DNAI2: variants seen among roughly 807,000 people sequenced by gnomAD.
DNAI2 encodes dynein axonemal intermediate chain 2, also known as dynein, axonemal, intermediate polypeptide 2.
DNAI2 carries 63 observed loss-of-function variants against 74.7 expected under a neutral mutation model. That is an observed-to-expected ratio of 0.84 (90% confidence interval 0.69 to 1.04). The LOEUF (loss-of-function observed/expected upper bound fraction) is 1.04, where lower values mean the gene tolerates loss of function less well. Ranked by LOEUF, DNAI2 falls within the 50% of genes least tolerant of loss-of-function variation. DNAI2 has a pLI of 0.00. For missense variants in DNAI2, 688 were observed against 803.2 expected, an observed-to-expected ratio of 0.86 and a Z score of 1.73; for synonymous variants, 289 against 314.9, an observed-to-expected ratio of 0.92 and a Z score of 0.87.
chr17:74,293,550 G>T (rs899942438), intron 6 of DNAI2, among the ~76,000 whole-genome samples: 1 of 151,346 alleles, frequency 6.6e-6, no homozygotes, highest in Non-Finnish European at 1.5e-5. Context: ...TCTAAAGTAT[G>T]TCTTGTAGCC....
At chr17:74,290,956 A>AAACTGGTTGATCCTGTCCTT in intron 5 of DNAI2, 64 bp from the exon 6 acceptor site, 1 of 1,455,700 alleles carries the variant, frequency 6.9e-7, no homozygotes. Context: ...AGAAGGGGTG[A>AAACTGGTTGATCCTGTCCTT]AACTGGTTGA....
At chr17:74,291,172 T>G (rs1204302834) in intron 6 of DNAI2, 39 bp downstream of exon 6, 1 of 1,504,290 alleles carries the variant, frequency 6.6e-7, no homozygotes, top group African/African-American at 1.4e-5. Flanking sequence ...TTATTTTTAT[T>G]TTTTTTAGAT....
chr17:74,296,498 G>A (rs912251373), intron 6 of DNAI2, among the ~76,000 whole-genome samples: 3 of 152,222 alleles, frequency 2.0e-5, no homozygotes, highest in African/African-American at 7.2e-5. Flanking sequence ...AAGTACAGGC[G>A]TGAGCCACTG....
At chr17:74,282,049 G>C (rs753615842) in intron 2 of DNAI2, 49 bp downstream of exon 2, 2 of 1,610,368 alleles carry the variant, frequency 1.2e-6, no homozygotes, top group African/African-American at 1.3e-5. Flanking sequence ...GGCCAGGCAG[G>C]GCGGCCAGCT....
intron 6 of DNAI2, among the ~76,000 whole-genome samples, chr17:74,292,315 G>A (rs1178359354): frequency 1.2e-4 from 18 of 151,648 alleles, no homozygotes; most frequent in Non-Finnish European, 1.5e-4. Flanking sequence ...AATTGCTTTT[G>A]GTAGTTTCTG....
At chr17:74,278,351 G>A (rs1403035206) in intron 1 of DNAI2, among the ~76,000 whole-genome samples, 1 of 152,154 alleles carries the variant, frequency 6.6e-6, no homozygotes, top group Non-Finnish European at 1.5e-5. Flanking sequence ...GATTGCTTGA[G>A]CCTGGGAGGT....
At chr17:74,294,092 G>A (rs1003818199) in intron 6 of DNAI2, among the ~76,000 whole-genome samples, 2 of 151,856 alleles carry the variant, frequency 1.3e-5, no homozygotes, top group South Asian at 2.1e-4. Flanking sequence ...TTGGATCGTG[G>A]TTTTTTCCTT....
intron 4 of DNAI2, 109 bp downstream of exon 4, chr17:74,287,207 C>T (rs2051803688): frequency 1.3e-6 from 2 of 1,509,980 alleles, no homozygotes; most frequent in Non-Finnish European, 1.8e-6. Context: ...GCAGCACTGT[C>T]TGTGCTCTGA....
Position 74,312,079 on chromosome 17 carries a change from A to G in DNAI2, c.1571A>G (p.Lys524Arg), listed in dbSNP as rs1211582211. 3 of 1,613,194 alleles carry G rather than the reference A, an allele frequency of 1.9e-6. No individual in the cohort carries two copies. In the African/African-American group the frequency reaches 4.0e-5, roughly 22 times the overall value. ...GAGATGCGGCTGAAGGAGAAGGGTA[A>G]GGCGGAGGGCAGGGATGAGGAGCAG... Reference protein sequence around the residue: ...HREMRLKEKGKAEGRDEEQTD... With the variant: ...HREMRLKEKGRAEGRDEEQTD... Residue 524 changes from lysine (K) to arginine (R), a missense_variant, in exon 12 of 14, where the codon AAG becomes AGG. By Grantham distance (26) the Lys-to-Arg change is conservative. Coordinates refer to ENST00000311014, the MANE Select transcript of DNAI2 (RefSeq NM_023036.6).
chr17:74,314,556 C>T, intron 13 of DNAI2, 33 bp from the exon 14 acceptor site: 1 of 337,190 alleles, frequency 3.0e-6, no homozygotes, highest in South Asian at 2.6e-5. Flanking sequence ...CTCACAGGCT[C>T]CCCAGCAATC....
intron 11 of DNAI2, among the ~76,000 whole-genome samples, chr17:74,311,261 A>G (rs1382375009): frequency 6.6e-6 from 1 of 152,206 alleles, no homozygotes; most frequent in Non-Finnish European, 1.5e-5. Flanking sequence ...TCCTTTCCCC[A>G]GTGGACAGCC....
chr17:74,284,835 G>C (rs1410049446), intron 2 of DNAI2, among the ~76,000 whole-genome samples: 1 of 152,210 alleles, frequency 6.6e-6, no homozygotes, highest in Non-Finnish European at 1.5e-5. Context: ...AAGCTGCTTA[G>C]CTCCACAGGG....
chr17:74,307,717 ATT>A (rs57387665), intron 9 of DNAI2, among the ~76,000 whole-genome samples: 97 of 149,238 alleles, frequency 6.5e-4, no homozygotes, highest in African/African-American at 2.3e-3. Flanking sequence ...AAAAAAAACT[ATT>A]TTTTTTTTAG....
rs952816294 is a variant in DNAI2, at chr17:74,274,239, G to A, written c.-118G>A. 3 of 152,004 alleles carry A rather than the reference G, an allele frequency of 2.0e-5. No individual in the cohort carries two copies. Among genetic ancestry groups the A allele is most frequent in the Non-Finnish European group, 2.9e-5 (2 of 68,024 alleles). The allele number at this position is 152,004 out of a possible 1,614,324, so 9.4% of individuals were successfully genotyped here. The stretch of plus-strand genomic sequence containing the variant: ...CGCCCCGCGCGTCCGGAGCCAGGCC[G>A]GGGTTGCCAAGCAACCGGTAAACGC... On this transcript the variant is annotated 5_prime_UTR_variant, in exon 1 of 14. Coordinates refer to ENST00000311014, the MANE Select transcript of DNAI2 (RefSeq NM_023036.6).
At chr17:74,294,484 T>G (rs2052319128) in intron 6 of DNAI2, among the ~76,000 whole-genome samples, 1 of 151,974 alleles carries the variant, frequency 6.6e-6, no homozygotes, top group Admixed American at 6.6e-5. Context: ...TACTTTTTTA[T>G]TTTTTAATTT....
At position 74,301,150 on chromosome 17, in the gene DNAI2, G is replaced by C. The variant is rs1306977536; in HGVS notation, c.969G>C (p.Leu323=). The C allele has an allele frequency of 1.2e-6, 2 of 1,613,954 alleles. No homozygotes were observed. Among genetic ancestry groups the C allele is most frequent in the Non-Finnish European group, 1.7e-6 (2 of 1,179,900 alleles). ...QLENALGAIS[L]EFESTLPTKF... ...AAAATGCCTTGGGGGCCATCTCCCTGGAGTTCGAATCTACTTTGGTGAGTG... is the reference window on the plus strand; with the variant it reads ...AAAATGCCTTGGGGGCCATCTCCCTCGAGTTCGAATCTACTTTGGTGAGTG... The change falls in exon 8 of 14, where the codon CTG becomes CTC. Residue 323 remains leucine, a synonymous_variant. Transcript: ENST00000311014.
rs57143936 is a variant in DNAI2 at position 74,295,233 on chromosome 17, T to TAAAAAAAA, written c.724+4112_724+4119dup. Among the ~76,000 whole-genome samples, 118 of 112,342 alleles carry TAAAAAAAA rather than the reference T, an allele frequency of 1.1e-3. 4 individuals are homozygous for TAAAAAAAA. Among genetic ancestry groups the TAAAAAAAA allele is most frequent in the African/African-American group, 3.1e-3 (99 of 31,724 alleles). 73.7% of individuals were successfully genotyped at this position (112,342 alleles called of 152,430 possible). Reference sequence around the variant, plus strand: ...AACATGGTCAAACCCCATCTCTACTTAAAAAAAAAAAAAAAAAAATCAGCC... The same window carrying TAAAAAAAA: ...AACATGGTCAAACCCCATCTCTACTTAAAAAAAAAAAAAAAAAAAAAAAAAAATCAGCC... On this transcript the variant is annotated intron_variant, in intron 6 of 13. Transcript: ENST00000311014.
chr17:74,307,618 G>A (rs557181711), intron 9 of DNAI2, among the ~76,000 whole-genome samples: 10 of 152,080 alleles, frequency 6.6e-5, no homozygotes, highest in South Asian at 4.1e-4. Flanking sequence ...AGCCGAGATT[G>A]CGCCACTGCA....
chr17:74,310,696 G>A (rs942098212), intron 11 of DNAI2, among the ~76,000 whole-genome samples: 6 of 151,790 alleles, frequency 4.0e-5, no homozygotes, highest in Admixed American at 2.6e-4. Flanking sequence ...ATACCACCAC[G>A]CCCAGCTAAT....
Sources: allele counts gnomAD v4.1 joint callset (sites outside exome capture counted in the v4.1 genomes callset), GRCh38; gene constraint gnomAD v4.1.1; transcripts MANE v1.5; gene names NCBI Gene and HGNC (gene_info 2026-07-23, HGNC 2026-07-21).